Variants in ZC3H8 observed in about 807,000 individuals in gnomAD.
ZC3H8 encodes the protein zinc finger CCCH domain-containing protein 8.
ZC3H8 carries 27 observed loss-of-function variants against 42.5 expected under a neutral mutation model. The observed-to-expected ratio is 0.64, with a 90% CI of 0.47 to 0.88. The LOEUF (loss-of-function observed/expected upper bound fraction) is 0.88, where lower values mean the gene tolerates loss of function less well. Among genes scored for constraint, ZC3H8 ranks in the 40% least tolerant of loss-of-function variants. The pLI is 0.00. For synonymous variants in ZC3H8, 101 were observed against 110.1 expected (o/e 0.92, Z 0.52); for missense variants, 277 against 336.1 (o/e 0.82, Z 1.37).
chr2:112,234,612 C>G (rs1158132136), intron 4 of ZC3H8, among the ~76,000 whole-genome samples: 1 of 152,078 alleles, frequency 6.6e-6, no homozygotes, highest in Non-Finnish European at 1.5e-5. Flanking sequence ...ACCAGCCTGG[C>G]CAACACAGTG....
Position 112,214,693 on chromosome 2 carries a change from A to G in ZC3H8, c.*1791T>C, listed in dbSNP as rs1039534268. 2 of 152,154 alleles carry G rather than the reference A, an allele frequency of 1.3e-5. No homozygotes were observed. 9.4% of individuals were successfully genotyped at this position (152,154 alleles called of 1,614,324 possible). On this transcript the variant is annotated 3_prime_UTR_variant, in exon 9 of 9. Transcript: ENST00000409573. ...GGCGTGGCTGAAGCAGTATACTCGG[A>G]AATCTGCTCTGAGGAACCAGAGCAA...
intron 8 of ZC3H8, among the ~76,000 whole-genome samples, chr2:112,220,531 C>A (rs1684536581): frequency 6.6e-6 from 1 of 152,064 alleles, no homozygotes; most frequent in South Asian, 2.1e-4. Context: ...CCTAAAGACC[C>A]CTTTGTAGGG....
chr2:112,233,414 A>G (rs1349713012), intron 5 of ZC3H8, 43 bp from the exon 6 acceptor site: 3 of 1,284,316 alleles, frequency 2.3e-6, no homozygotes, highest in Non-Finnish European at 3.3e-6. Context: ...TATTTCTCAT[A>G]GTCAAGTCAT....
In ZC3H8 at chr2:112,238,396, A is replaced by T; in HGVS notation, c.289T>A (p.Tyr97Asn). 1 of 1,613,652 alleles carries T rather than the reference A, an allele frequency of 6.2e-7. No individual in the cohort carries two copies. The highest frequency in any genetic ancestry group is 8.5e-7 in the Non-Finnish European group (1 of 1,179,866). Residue 97 changes from tyrosine (Y) to asparagine (N), a missense_variant, in exon 3 of 9, where the codon TAC becomes AAC. Coordinates refer to ENST00000409573, the MANE Select transcript of ZC3H8 (RefSeq NM_032494.3). ...TTTGCCATTTCTCTGGCTTGTATGTACTGTTGAAGCTCTTTGGCAAAATTA... is the reference window on the plus strand; with the variant it reads ...TTTGCCATTTCTCTGGCTTGTATGTTCTGTTGAAGCTCTTTGGCAAAATTA... ...EDNFAKELQQ[Y>N]IQAREMANAA...
rs1553483034 is a variant in ZC3H8 at position 112,212,988 on chromosome 2, T to TTTTTTTTTTTTC, written c.*3495_*3496insGAAAAAAAAAAA. ...TGCTTTTTTTTTTTTTTTTTTTTTTTATAAGAGACAAGGCTCTGTTGCCCA... is the reference window on the plus strand; with the variant it reads ...TGCTTTTTTTTTTTTTTTTTTTTTTTTTTTTTTTTTTCATAAGAGACAAGGCTCTGTTGCCCA... On this transcript the variant is annotated 3_prime_UTR_variant, in exon 9 of 9. Coordinates refer to ENST00000409573, the MANE Select transcript of ZC3H8 (RefSeq NM_032494.3). The TTTTTTTTTTTTC allele has an allele frequency of 4.3e-5, 5 of 115,568 alleles. No homozygotes were observed. Among genetic ancestry groups the TTTTTTTTTTTTC allele is most frequent in the African/African-American group, 1.7e-4 (5 of 28,584 alleles). 7.2% of individuals were successfully genotyped at this position (115,568 alleles called of 1,614,324 possible).
rs770669814 is a variant in ZC3H8, at chr2:112,236,601, T to G, written c.465A>C (p.Gly155=). 2 of 1,614,054 alleles carry G rather than the reference T, an allele frequency of 1.2e-6. No individual in the cohort carries two copies. The highest frequency in any genetic ancestry group is 1.7e-6 in the Non-Finnish European group (2 of 1,179,906). ...KRKWPGPGNK[G]SNALLRNSGS... is the part of the protein sequence containing the mutation. ...CGCTGTTCCTCAGCAAAGCATTTGATCCTTTGTTTCCAGGGCCAGGCCATT... is the reference window on the plus strand; with the variant it reads ...CGCTGTTCCTCAGCAAAGCATTTGAGCCTTTGTTTCCAGGGCCAGGCCATT... Residue 155 remains glycine, a synonymous_variant, in exon 4 of 9, where the codon GGA becomes GGC. Transcript: ENST00000409573.
rs1644174126 is a variant in ZC3H8, at chr2:112,216,129, C to T, written c.*355G>A. On this transcript the variant is annotated 3_prime_UTR_variant, in exon 9 of 9. Transcript: ENST00000409573. ...AAACCTCCTCTACCTCTTTACTCACCCTCACTCAGCCTAACCTTGCTTCCG... is the reference window on the plus strand; with the variant it reads ...AAACCTCCTCTACCTCTTTACTCACTCTCACTCAGCCTAACCTTGCTTCCG... The T allele has an allele frequency of 6.6e-6, 1 of 152,184 alleles. No homozygotes were observed. 9.4% of individuals were successfully genotyped at this position (152,184 alleles called of 1,614,324 possible).
chr2:112,238,217 A>C (rs956348769), intron 3 of ZC3H8, 98 bp downstream of exon 3: 4 of 1,219,078 alleles, frequency 3.3e-6, no homozygotes, highest in Non-Finnish European at 3.4e-6. Flanking sequence ...TAGTCTTATC[A>C]TAAGATAAAG....
At chr2:112,254,101 T>TA (rs757225567) in intron 1 of ZC3H8, 1 of 983,806 alleles carries the variant, frequency 1.0e-6, no homozygotes, top group Non-Finnish European at 1.2e-6. Context: ...AAGCACAAGG[T>TA]AAAGCTCTGG....
At chr2:112,249,610 A>C (rs1186715688) in intron 2 of ZC3H8, among the ~76,000 whole-genome samples, 1 of 151,942 alleles carries the variant, frequency 6.6e-6, no homozygotes, top group Non-Finnish European at 1.5e-5. Flanking sequence ...TGCCTGGCTA[A>C]ATTTTTTTGT....
At chr2:112,243,348 G>T (rs1222694068) in intron 2 of ZC3H8, among the ~76,000 whole-genome samples, 1 of 152,162 alleles carries the variant, frequency 6.6e-6, no homozygotes, top group African/African-American at 2.4e-5. Flanking sequence ...AAATCTAAGA[G>T]AAGAATCGAA....
intron 1 of ZC3H8, among the ~76,000 whole-genome samples, chr2:112,250,627 G>A (rs1029046515): frequency 1.3e-5 from 2 of 152,160 alleles, no homozygotes; most frequent in Non-Finnish European, 2.9e-5. Context: ...GAAAAATACA[G>A]ACCCTGTCAC....
At chr2:112,221,100 T>C (rs560975771) in intron 8 of ZC3H8, among the ~76,000 whole-genome samples, 20 of 152,366 alleles carry the variant, frequency 1.3e-4, no homozygotes, top group African/African-American at 3.8e-4. Flanking sequence ...AAATGAGTCA[T>C]AGATTTGGTC....
At chr2:112,253,980 C>T (rs776751424) in intron 1 of ZC3H8, 86 of 294,230 alleles carry the variant, frequency 2.9e-4, no homozygotes, top group Non-Finnish European at 4.0e-4. Context: ...ACTGTGCAAT[C>T]TCGGCAGGTT....
At chr2:112,238,700 A>T (rs566066847) in intron 2 of ZC3H8, 172 bp from the exon 3 acceptor site, 84 of 445,898 alleles carry the variant, frequency 1.9e-4, no homozygotes, top group Non-Finnish European at 3.0e-4. Flanking sequence ...TTCCAGAATT[A>T]AAAAAAAGAA....
At position 112,238,229 on chromosome 2, in the gene ZC3H8, G is replaced by A. The variant is rs1332782007; in HGVS notation, c.370+86C>T. ...CCATAGTCTTATCATAAGATAAAGT[G>A]CAAAGAAAAATCCTCTGTCCGTATA... On this transcript the variant is annotated intron_variant, in intron 3 of 8. Transcript: ENST00000409573. The A allele has an allele frequency of 6.8e-6, 9 of 1,318,322 alleles. No individual in the cohort carries two copies. In the African/African-American group the frequency reaches 8.9e-5, roughly 13 times the overall value. 81.7% of individuals were successfully genotyped at this position (1,318,322 alleles called of 1,614,324 possible).
chr2:112,248,102 G>T (rs556215114), intron 2 of ZC3H8, among the ~76,000 whole-genome samples: 1 of 152,218 alleles, frequency 6.6e-6, no homozygotes, highest in Non-Finnish European at 1.5e-5. Flanking sequence ...GAGGCTGGCA[G>T]ATCACTTGAG....
rs1480862819 is a variant in ZC3H8 at position 112,211,643 on chromosome 2, A to T, written c.*4841T>A. ...ACCATTTCTTATGTACTGCTAAGAA[A>T]ACAATAACCTGCTAATTAAAATGAG... On this transcript the variant is annotated 3_prime_UTR_variant, in exon 9 of 9. Coordinates refer to ENST00000409573, the MANE Select transcript of ZC3H8 (RefSeq NM_032494.3). 6.6e-6 allele frequency: 1 copy of T among 152,240 alleles called. No individual in the cohort carries two copies. The highest frequency in any genetic ancestry group is 1.9e-4 in the East Asian group (1 of 5,206). 9.4% of individuals were successfully genotyped at this position (152,240 alleles called of 1,614,324 possible). A position where few individuals can be genotyped will look rare whatever the true frequency, so the allele number is the denominator to read the frequency against.
chr2:112,237,213 C>A (rs1015648273), intron 3 of ZC3H8, among the ~76,000 whole-genome samples: 50 of 152,100 alleles, frequency 3.3e-4, no homozygotes, highest in African/African-American at 1.2e-3. Flanking sequence ...ATCCTGGATT[C>A]CCCATTCATT....
Sources: gnomAD v4.1 joint callset for allele counts (sites outside exome capture counted in the v4.1 genomes callset) on GRCh38, gnomAD v4.1.1 for gene constraint, MANE v1.5 for transcripts, NCBI Gene and HGNC (gene_info 2026-07-23, HGNC 2026-07-21) for gene names.